SNTG2: variants seen among roughly 807,000 people sequenced by gnomAD.
The protein encoded by SNTG2 is syntrophin gamma 2.
SNTG2 carries 74 observed loss-of-function variants against 70.9 expected under a neutral mutation model. The ratio of observed to expected loss-of-function variants is 1.04; its 90% CI spans 0.86 to 1.27. SNTG2 has a LOEUF of 1.27. Ranked by LOEUF, SNTG2 falls within the 50% of genes most tolerant of loss-of-function variation. SNTG2 has a pLI of 0.00. For synonymous variants in SNTG2, 278 were observed against 273.8 expected (o/e 1.02, Z -0.15); for missense variants, 717 against 690.7 (o/e 1.04, Z -0.43).
chr2:1,089,300 A>G (rs1664869950), intron 2 of SNTG2, among the ~76,000 whole-genome samples: 1 of 152,254 alleles, frequency 6.6e-6, no homozygotes, highest in Non-Finnish European at 1.5e-5. Context: ...GTTCTGGTTT[A>G]AAGAATATGA....
chr2:1,062,846 GA>G (rs998487576), intron 1 of SNTG2, among the ~76,000 whole-genome samples: 3 of 152,036 alleles, frequency 2.0e-5, no homozygotes, highest in African/African-American at 7.2e-5. Flanking sequence ...ATATAAAATG[GA>G]AAAAATATGT....
At chr2:1,357,719 C>T (rs937635510) in intron 16 of SNTG2, among the ~76,000 whole-genome samples, 6 of 151,220 alleles carry the variant, frequency 4.0e-5, no homozygotes, top group Non-Finnish European at 7.4e-5. Flanking sequence ...CTTAGATTGT[C>T]GGTTTCTTCA....
chr2:981,888 C>T (rs1661112423), intron 1 of SNTG2, among the ~76,000 whole-genome samples: 1 of 152,206 alleles, frequency 6.6e-6, no homozygotes. Flanking sequence ...TATACATTCA[C>T]ATGCGTTTGT....
intron 1 of SNTG2, among the ~76,000 whole-genome samples, chr2:978,541 C>A (rs574697655): frequency 6.6e-6 from 1 of 151,980 alleles, no homozygotes; most frequent in African/African-American, 2.4e-5. Context: ...TTTAATTCTC[C>A]GCTTATCAAG....
intron 16 of SNTG2, among the ~76,000 whole-genome samples, chr2:1,336,487 G>A (rs770595270): frequency 6.6e-5 from 10 of 152,056 alleles, no homozygotes; most frequent in Non-Finnish European, 1.2e-4. Context: ...TTGTCTGTTT[G>A]CTTTCATCGC....
intron 14 of SNTG2, among the ~76,000 whole-genome samples, chr2:1,305,824 T>C (rs1305066017): frequency 1.3e-5 from 2 of 152,176 alleles, no homozygotes; most frequent in Admixed American, 6.5e-5. Flanking sequence ...GTTGTGTGCT[T>C]ATGTGGCCAT....
chr2:1,079,440 A>T (rs1205876886), intron 1 of SNTG2, among the ~76,000 whole-genome samples: 2 of 151,526 alleles, frequency 1.3e-5, no homozygotes, highest in Non-Finnish European at 2.9e-5. Flanking sequence ...ATTACCTCTA[A>T]TCTGGTTGTG....
At chr2:1,335,449 C>T (rs149122516) in intron 16 of SNTG2, among the ~76,000 whole-genome samples, 108 of 152,240 alleles carry the variant, frequency 7.1e-4, no homozygotes, top group African/African-American at 2.5e-3. Context: ...ACTCATGCTC[C>T]TCTCTGACCC....
chr2:1,279,510 C>T (rs973667779), intron 14 of SNTG2, among the ~76,000 whole-genome samples: 3 of 152,164 alleles, frequency 2.0e-5, no homozygotes, highest in Non-Finnish European at 2.9e-5. Flanking sequence ...CGGGGGCTCC[C>T]GTACAGGAAT....
At chr2:1,138,553 A>G (rs1449082116) in intron 6 of SNTG2, among the ~76,000 whole-genome samples, 1 of 151,898 alleles carries the variant, frequency 6.6e-6, no homozygotes, top group Non-Finnish European at 1.5e-5. Flanking sequence ...CTGAGAGATG[A>G]GGTGGAGGGC....
chr2:1,139,097 T>C (rs1668582844), intron 6 of SNTG2, among the ~76,000 whole-genome samples: 1 of 152,250 alleles, frequency 6.6e-6, no homozygotes, highest in Non-Finnish European at 1.5e-5. Context: ...GATGAAGTGC[T>C]GTTATCCTTT....
At chr2:1,326,980 C>A (rs2148278978) in intron 16 of SNTG2, among the ~76,000 whole-genome samples, 1 of 152,050 alleles carries the variant, frequency 6.6e-6, no homozygotes, top group East Asian at 1.9e-4. Context: ...ACCCCCAAGT[C>A]TTTCTTGAAA....
intron 1 of SNTG2, among the ~76,000 whole-genome samples, chr2:1,077,055 G>A (rs1328315426): frequency 6.6e-6 from 1 of 152,058 alleles, no homozygotes; most frequent in Non-Finnish European, 1.5e-5. Flanking sequence ...ATCAACAGAT[G>A]CTGAACTAAA....
intron 6 of SNTG2, among the ~76,000 whole-genome samples, chr2:1,142,502 A>AT (rs5828808): frequency 1.3e-5 from 2 of 152,062 alleles, no homozygotes; most frequent in Admixed American, 6.5e-5. Flanking sequence ...GGTTTTTTCA[A>AT]TTTTTTTGGC....
intron 9 of SNTG2, among the ~76,000 whole-genome samples, chr2:1,219,703 G>A (rs1028567118): frequency 5.3e-5 from 8 of 150,696 alleles, no homozygotes; most frequent in African/African-American, 1.9e-4. Context: ...GGGGAGTGGA[G>A]GGGAGGCGAG....
chr2:1,333,933 C>A (rs1008027261), intron 16 of SNTG2, among the ~76,000 whole-genome samples: 2 of 152,070 alleles, frequency 1.3e-5, no homozygotes, highest in African/African-American at 4.8e-5. Flanking sequence ...AAAGCAAAAA[C>A]AAATAGATGA....
intron 2 of SNTG2, 56 bp from the exon 3 acceptor site, chr2:1,098,140 C>T: frequency 6.4e-7 from 1 of 1,563,176 alleles, no homozygotes; most frequent in Non-Finnish European, 8.8e-7. Flanking sequence ...TTTGAATTCA[C>T]TTTCTGATAG....
chr2:1,260,074 T>C (rs559894788), intron 13 of SNTG2, among the ~76,000 whole-genome samples: 19 of 152,374 alleles, frequency 1.2e-4, no homozygotes, highest in East Asian at 1.9e-4. Context: ...GTCTTTTTCA[T>C]GTAGGAGTAC....
intron 6 of SNTG2, among the ~76,000 whole-genome samples, chr2:1,165,340 C>T (rs79723477): frequency 0.022 from 3,396 of 151,924 alleles, 70 homozygotes; most frequent in African/African-American, 0.057. Context: ...CACTTGTTTA[C>T]GCAGATAGAG....
Sources: gnomAD v4.1 joint callset for allele counts (sites outside exome capture counted in the v4.1 genomes callset) on GRCh38, gnomAD v4.1.1 for gene constraint, MANE v1.5 for transcripts, NCBI Gene and HGNC (gene_info 2026-07-23, HGNC 2026-07-21) for gene names.